The following PPFIA2 variants were observed in gnomAD, a reference collection of about 807,000 sequenced individuals.
PPFIA2 encodes PPFI scaffold protein A2.
A neutral mutation model predicts 175.5 loss-of-function variants in PPFIA2; 46 were observed. The ratio of observed to expected loss-of-function variants is 0.26; its 90% CI spans 0.21 to 0.34. The LOEUF (loss-of-function observed/expected upper bound fraction) is 0.34. Among genes scored for constraint, PPFIA2 ranks in the 10% least tolerant of loss-of-function variants. The pLI is 1.00. For synonymous variants in PPFIA2, 568 were observed against 511.4 expected, an observed-to-expected ratio of 1.11 and a Z score of -1.49; for missense variants, 1,179 against 1,506.1, an observed-to-expected ratio of 0.78 and a Z score of 3.60.
chr12:81,315,158 A>G (rs374280690), intron 22 of PPFIA2, among the ~76,000 whole-genome samples: 12 of 151,930 alleles, frequency 7.9e-5, no homozygotes, highest in East Asian at 7.7e-4. Context: ...TTCAAGTTTG[A>G]GGAGAGTGGA....
chr12:81,456,231 G>A (rs1021636402), intron 5 of PPFIA2, among the ~76,000 whole-genome samples: 1 of 152,102 alleles, frequency 6.6e-6, no homozygotes, highest in African/African-American at 2.4e-5. Context: ...AAAAAGTCAA[G>A]GGTAGGAAAT....
At chr12:81,473,243 ACCAAAAAT>A in intron 4 of PPFIA2, among the ~76,000 whole-genome samples, 1 of 152,232 alleles carries the variant, frequency 6.6e-6, no homozygotes, top group Middle Eastern at 3.4e-3. Flanking sequence ...CCTTGTCTCT[ACCAAAAAT>A]ACAAAAATTA....
intron 4 of PPFIA2, among the ~76,000 whole-genome samples, chr12:81,531,869 G>A (rs1201559404): frequency 6.6e-6 from 1 of 151,778 alleles, no homozygotes; most frequent in African/African-American, 2.4e-5. Flanking sequence ...AATGAGGACA[G>A]TAGAATCTGA....
At chr12:81,541,443 T>C (rs543611320) in intron 4 of PPFIA2, among the ~76,000 whole-genome samples, 1 of 152,184 alleles carries the variant, frequency 6.6e-6, no homozygotes, top group South Asian at 2.1e-4. Context: ...TCTTCTGTGG[T>C]AGGAAGTCAA....
chr12:81,754,371 A>G, intron 2 of PPFIA2, 148 bp from the exon 3 acceptor site: 1 of 957,862 alleles, frequency 1.0e-6, no homozygotes, highest in Admixed American at 2.6e-5. Context: ...GCCAAGCAAA[A>G]TGTTTTGACC....
chr12:81,304,864 CA>C (rs2048767656), intron 22 of PPFIA2, among the ~76,000 whole-genome samples: 1 of 151,974 alleles, frequency 6.6e-6, no homozygotes, highest in African/African-American at 2.4e-5. Context: ...AGCACAAGAA[CA>C]TAAAATAATT....
chr12:81,384,081 C>T lies in PPFIA2; in HGVS notation c.926G>A (p.Arg309Lys), dbSNP rs1566580803. Reference protein sequence around the residue: ...GEVEQEAETARKDLIKTEEMN... With the variant: ...GEVEQEAETAKKDLIKTEEMN... Reference sequence around the variant, plus strand: ...TTCTTCTGTTTTAATGAGATCCTTTCTTGCTGTCTCTGCTTCCTGTTCCAC... The same window carrying T: ...TTCTTCTGTTTTAATGAGATCCTTTTTTGCTGTCTCTGCTTCCTGTTCCAC... Residue 309 changes from arginine to lysine, a missense_variant, in exon 9 of 33, where the codon AGA becomes AAA. Coordinates refer to ENST00000549396, the MANE Select transcript of PPFIA2 (RefSeq NM_003625.5). 1.2e-6 allele frequency: 2 copies of T among 1,613,292 alleles called. No homozygotes were observed. The highest frequency in any genetic ancestry group is 1.7e-6 in the Non-Finnish European group (2 of 1,179,540).
rs946556479 is a variant in PPFIA2 at position 81,459,240 on chromosome 12, T to C, written c.304-1374A>G. Among the ~76,000 whole-genome samples, 4 of 152,246 alleles carry C rather than the reference T, an allele frequency of 2.6e-5. No individual in the cohort carries two copies. In the South Asian group the frequency reaches 8.3e-4, roughly 32 times the overall value. ...AAATGTTGCTAATACTCTGAGCATA[T>C]TATTTAGGTGGTAAATGGAAATAAA... On this transcript the variant is annotated intron_variant, in intron 4 of 32. Transcript: ENST00000549396.
rs893970876 is a variant in PPFIA2, at chr12:81,440,041, C to T, written c.576G>A (p.Arg192=). 1.6e-5 allele frequency: 26 copies of T among 1,597,088 alleles called. No homozygotes were observed. The highest frequency in any genetic ancestry group is 5.4e-5 in the Admixed American group (3 of 55,242). The change falls in exon 7 of 33, where the codon AGG becomes AGA. Residue 192 remains arginine (R), a synonymous_variant. Coordinates refer to ENST00000549396, the MANE Select transcript of PPFIA2 (RefSeq NM_003625.5). ...TTTCTAAAGAAACCCTCAGTCGCTCCCTTACCTAGAAGAAAAATCAAAATA... is the reference window on the plus strand; with the variant it reads ...TTTCTAAAGAAACCCTCAGTCGCTCTCTTACCTAGAAGAAAAATCAAAATA... ...EHHKALDEKV[R]ERLRVSLERV...
chr12:81,726,544 T>G (rs2080101251), intron 3 of PPFIA2, among the ~76,000 whole-genome samples: 1 of 151,314 alleles, frequency 6.6e-6, no homozygotes, highest in Non-Finnish European at 1.5e-5. Context: ...AGACCCTGTA[T>G]AAGTTTGGGA....
chr12:81,492,675 C>A (rs930068542), intron 4 of PPFIA2, among the ~76,000 whole-genome samples: 8 of 152,114 alleles, frequency 5.3e-5, no homozygotes, highest in Non-Finnish European at 1.0e-4. Context: ...GAGACCACAT[C>A]TCAGAGGTAA....
At chr12:81,529,697 C>T (rs1474907712) in intron 4 of PPFIA2, among the ~76,000 whole-genome samples, 2 of 151,888 alleles carry the variant, frequency 1.3e-5, no homozygotes, top group Non-Finnish European at 2.9e-5. Flanking sequence ...TGGGGGTTGG[C>T]TAACTCCAGC....
intron 8 of PPFIA2, 131 bp from the exon 9 acceptor site, chr12:81,384,375 T>G (rs2038453658): frequency 2.8e-6 from 2 of 717,330 alleles, no homozygotes; most frequent in African/African-American, 3.6e-5. Context: ...AGAACTAGTT[T>G]TGCCGAAAAA....
chr12:81,445,878 A>C (rs2051153507), intron 5 of PPFIA2, among the ~76,000 whole-genome samples, 158 bp from the exon 6 acceptor site: 1 of 152,250 alleles, frequency 6.6e-6, no homozygotes, highest in African/African-American at 2.4e-5. Context: ...CCTGTTTAAA[A>C]CAGGGTTTAT....
At chr12:81,608,225 T>C (rs1567554377) in intron 4 of PPFIA2, among the ~76,000 whole-genome samples, 1 of 152,170 alleles carries the variant, frequency 6.6e-6, no homozygotes, top group Non-Finnish European at 1.5e-5. Context: ...TTTGCAACTA[T>C]GATCATAAGG....
intron 4 of PPFIA2, among the ~76,000 whole-genome samples, chr12:81,504,054 C>A (rs572220404): frequency 6.6e-6 from 1 of 151,842 alleles, no homozygotes; most frequent in Non-Finnish European, 1.5e-5. Context: ...TTTTGAGATA[C>A]TTTTATGTGC....
chr12:81,403,999 T>G (rs2042495168), intron 8 of PPFIA2, among the ~76,000 whole-genome samples: 1 of 152,198 alleles, frequency 6.6e-6, no homozygotes, highest in South Asian at 2.1e-4. Flanking sequence ...AAACTTGCCT[T>G]GGTCTCTCCC....
chr12:81,699,207 T>C (rs1030404446), intron 3 of PPFIA2, among the ~76,000 whole-genome samples: 8 of 152,092 alleles, frequency 5.3e-5, no homozygotes, highest in Admixed American at 4.6e-4. Context: ...TAGTAAAAGA[T>C]AAAACAAGAT....
intron 4 of PPFIA2, among the ~76,000 whole-genome samples, chr12:81,460,569 G>T (rs2054348636): frequency 6.6e-6 from 1 of 152,054 alleles, no homozygotes; most frequent in South Asian, 2.1e-4. Flanking sequence ...AGACAAGTTT[G>T]TTCTATGTAT....
Sources: allele counts gnomAD v4.1 joint callset (sites outside exome capture counted in the v4.1 genomes callset), GRCh38; gene constraint gnomAD v4.1.1; transcripts MANE v1.5; gene names NCBI Gene and HGNC (gene_info 2026-07-23, HGNC 2026-07-21).